RSF1: variants seen among roughly 807,000 people sequenced by gnomAD.
The protein encoded by RSF1 is remodeling and spacing factor 1, also known as HBV pX-associated protein 8.
In RSF1, 13 loss-of-function variants were observed where a neutral mutation model predicts 145.2. The observed-to-expected ratio is 0.09, with a 90% CI of 0.06 to 0.14. The LOEUF is 0.14. RSF1 is among the 10% of genes least tolerant of loss of function. RSF1 has a pLI of 1.00. For missense variants in RSF1, 1,517 were observed against 1,718.2 expected (o/e 0.88, Z 2.07); for synonymous variants, 577 against 592.6 (o/e 0.97, Z 0.38).
At chr11:77,779,938 T>C (rs952261883) in intron 1 of RSF1, among the ~76,000 whole-genome samples, 11 of 152,204 alleles carry the variant, frequency 7.2e-5, no homozygotes, top group African/African-American at 2.4e-4. Context: ...GTTCCCTCTA[T>C]TCTCACTCCA....
chr11:77,724,143 C>G (rs941542919), intron 5 of RSF1, among the ~76,000 whole-genome samples: 1 of 152,082 alleles, frequency 6.6e-6, no homozygotes, highest in African/African-American at 2.4e-5. Context: ...CCAATAAACA[C>G]TTGAAAAGAT....
chr11:77,799,719 A>C (rs1948608864), intron 1 of RSF1, among the ~76,000 whole-genome samples: 1 of 152,204 alleles, frequency 6.6e-6, no homozygotes, highest in African/African-American at 2.4e-5. Flanking sequence ...CAAAGAAAAG[A>C]AAAGCTGGTT....
chr11:77,749,501 C>T (rs969129681), intron 2 of RSF1, among the ~76,000 whole-genome samples: 10 of 152,092 alleles, frequency 6.6e-5, no homozygotes, highest in South Asian at 2.1e-4. Context: ...AGGTGAAAAA[C>T]GACATAGCTC....
In RSF1 at chr11:77,693,586, C is replaced by T; in HGVS notation, c.2741G>A (p.Ser914Asn). 6.2e-7 allele frequency: 1 copy of T among 1,613,712 alleles called. No individual in the cohort carries two copies. The change falls in exon 8 of 16, where the codon AGT becomes AAT. Residue 914 changes from serine (S) to asparagine (N), a missense_variant. This residue lies in a region of RSF1 where 29 missense variants were observed against 102.3 expected (regional missense o/e 0.28). Coordinates refer to ENST00000308488, the MANE Select transcript of RSF1 (RefSeq NM_016578.4). ...ELILLCDSCD[S>N]GYHTACLRPP... ...GCGAAGGCAGGCAGTATGGTATCCACTATCGCAAGAGTCACACAGAAGAAT... is the reference window on the plus strand; with the variant it reads ...GCGAAGGCAGGCAGTATGGTATCCATTATCGCAAGAGTCACACAGAAGAAT...
chr11:77,771,125 C>T (rs1948281065), intron 1 of RSF1, among the ~76,000 whole-genome samples: 1 of 152,060 alleles, frequency 6.6e-6, no homozygotes, highest in Admixed American at 6.6e-5. Context: ...AGAGTCAAAA[C>T]AAATTTAAAA....
the RSF1 span, among the ~76,000 whole-genome samples, chr11:77,857,329 A>C: frequency 1.3e-5 from 2 of 152,230 alleles, no homozygotes; most frequent in South Asian, 2.1e-4. Flanking sequence ...CCAGGTAAAC[A>C]ATGGTAACTA....
chr11:77,764,758 A>C (rs1202055461), intron 1 of RSF1, 69 bp from the exon 2 acceptor site: 12 of 989,440 alleles, frequency 1.2e-5, no homozygotes, highest in Non-Finnish European at 1.7e-5. Context: ...AAGATAATAA[A>C]AAAATAATCT....
the RSF1 span, chr11:77,870,160 CT>C: frequency 6.6e-6 from 1 of 151,986 alleles, no homozygotes; most frequent in African/African-American, 2.4e-5. Flanking sequence ...TAGTTTTCCC[CT>C]CTTCAGAAAA....
chr11:77,669,820 A>G (rs59520338), intron 15 of RSF1, among the ~76,000 whole-genome samples: 27,367 of 152,136 alleles, frequency 0.18, 3,116 homozygotes, highest in African/African-American at 0.31. Flanking sequence ...TGGTATGGTA[A>G]TCTTCCAGTA....
At chr11:77,677,088 G>A (rs534855637) in intron 12 of RSF1, 89 bp from the exon 13 acceptor site, 83 of 938,096 alleles carry the variant, frequency 8.8e-5, no homozygotes, top group Non-Finnish European at 1.3e-4. Context: ...CCTTATTCAT[G>A]CTTAGCAGCT....
rs184846014 is a variant in RSF1, at chr11:77,771,737, C to T, written c.188-7048G>A. On this transcript the variant is annotated intron_variant, in intron 1 of 15. Transcript: ENST00000308488. ...TGAAAGTCCATTATATAACTTACTA[C>T]TTTTATATATTTCACATTTTCCATA... Among the ~76,000 whole-genome samples the T allele has an allele frequency of 1.4e-4, 22 of 152,230 alleles. No homozygotes were observed. In the East Asian group the frequency reaches 3.9e-3, roughly 27 times the overall value.
chr11:77,695,466 T>G (rs1031980022), intron 7 of RSF1, among the ~76,000 whole-genome samples: 1 of 152,182 alleles, frequency 6.6e-6, no homozygotes, highest in African/African-American at 2.4e-5. Flanking sequence ...GATTATTTTA[T>G]TCTTTGGGCT....
In RSF1 at chr11:77,666,564, T is replaced by C. The variant is rs1243417532; in HGVS notation, c.*353A>G. 6.3e-6 allele frequency: 1 copy of C among 159,458 alleles called. No homozygotes were observed. The highest frequency in any genetic ancestry group is 1.4e-5 in the Non-Finnish European group (1 of 72,980). The allele number at this position is 159,458 out of a possible 1,614,324, so 9.9% of individuals were successfully genotyped here. A position where few individuals can be genotyped will look rare whatever the true frequency, so the allele number is the denominator to read the frequency against. On this transcript the variant is annotated 3_prime_UTR_variant, in exon 16 of 16. Coordinates refer to ENST00000308488, the MANE Select transcript of RSF1 (RefSeq NM_016578.4). ...AATTCTGTTTTGGGCCCTCACAGAT[T>C]CGGAATGCATTTTCATCCACCCTTT...
intron 1 of RSF1, among the ~76,000 whole-genome samples, chr11:77,777,606 AAAAT>A (rs1948355701): frequency 6.6e-6 from 1 of 152,138 alleles, no homozygotes; most frequent in Non-Finnish European, 1.5e-5. Context: ...AATAAATAAA[AAAAT>A]AAATAAATAA....
At chr11:77,694,962 G>T (rs372832806) in intron 7 of RSF1, among the ~76,000 whole-genome samples, 16 of 152,234 alleles carry the variant, frequency 1.1e-4, no homozygotes, top group African/African-American at 3.9e-4. Flanking sequence ...GCCTACAGAG[G>T]GGAAATGCCC....
chr11:77,791,934 G>GTCGT (rs530536072), intron 1 of RSF1, among the ~76,000 whole-genome samples: 154 of 152,250 alleles, frequency 1.0e-3, no homozygotes, highest in Non-Finnish European at 1.6e-3. Context: ...CAGTTCCAAA[G>GTCGT]TCGTTTCCAC....
At position 77,667,336 on chromosome 11, in the gene RSF1, T is replaced by C. The variant is rs765232210; in HGVS notation, c.3907A>G (p.Ile1303Val). The C allele has an allele frequency of 6.2e-7, 1 of 1,614,032 alleles. No individual in the cohort carries two copies. The highest frequency in any genetic ancestry group is 8.5e-7 in the Non-Finnish European group (1 of 1,179,922). The change falls in exon 16 of 16, where the codon ATT becomes GTT. Residue 1303 changes from isoleucine to valine, a missense_variant. Transcript: ENST00000308488. ...GKPSRKRLHRIETDEEESCDN... is the reference protein window; with the variant it reads ...GKPSRKRLHRVETDEEESCDN... ...CAACTCTCCTCCTCATCCGTCTCAA[T>C]CCGGTGTAGCCGTTTGCGGGATGGT... is the stretch of plus-strand genomic sequence containing the variant.
intron 10 of RSF1, 138 bp downstream of exon 10, chr11:77,684,967 A>T (rs1959964876): frequency 2.4e-6 from 1 of 414,438 alleles, no homozygotes; most frequent in Non-Finnish European, 4.2e-6. Context: ...AGTCTGGGCA[A>T]CAAGAACGAA....
At chr11:77,742,892 G>A (rs1221051094) in intron 3 of RSF1, among the ~76,000 whole-genome samples, 1 of 152,104 alleles carries the variant, frequency 6.6e-6, no homozygotes. Context: ...CTATATGTAA[G>A]TCTTTAATCC....
Sources: allele counts gnomAD v4.1 joint callset (sites outside exome capture counted in the v4.1 genomes callset), GRCh38; gene constraint gnomAD v4.1.1; regional missense constraint gnomAD v4.1.1; transcripts MANE v1.5; gene names NCBI Gene and HGNC (gene_info 2026-07-23, HGNC 2026-07-21).